Variants in KLHDC1 observed in about 807,000 individuals in gnomAD.
KLHDC1 encodes kelch domain containing 1.
Under a neutral mutation model 68.3 loss-of-function variants are expected in KLHDC1, and 53 were observed. The ratio of observed to expected loss-of-function variants is 0.78; its 90% confidence interval spans 0.62 to 0.98. The LOEUF (loss-of-function observed/expected upper bound fraction) is 0.98, where lower values mean the gene tolerates loss of function less well. Ranked by LOEUF, KLHDC1 falls within the 50% of genes least tolerant of loss-of-function variation. The pLI is 0.00. For missense variants in KLHDC1, 470 were observed against 492.3 expected (o/e 0.95, Z 0.43); for synonymous variants, 148 against 159.0 (o/e 0.93, Z 0.52).
chr14:49,705,386 T>TTTTTTTTTTA (rs1888023742), intron 1 of KLHDC1, among the ~76,000 whole-genome samples: 3 of 142,370 alleles, frequency 2.1e-5, no homozygotes, highest in African/African-American at 5.2e-5. Context: ...TTTTTTTTTT[T>TTTTTTTTTTA]GAGATGGAGT....
intron 4 of KLHDC1, among the ~76,000 whole-genome samples, chr14:49,718,926 G>A (rs1888455086): frequency 6.6e-6 from 1 of 150,782 alleles, no homozygotes; most frequent in Non-Finnish European, 1.5e-5. Flanking sequence ...ACAGCCGCCT[G>A]CCACTACACC....
In KLHDC1 at chr14:49,723,968, C is replaced by T; in HGVS notation, c.483+16C>T. 1 of 1,486,918 alleles carries T rather than the reference C, an allele frequency of 6.7e-7. No individual in the cohort carries two copies. Among genetic ancestry groups the T allele is most frequent in the Non-Finnish European group, 9.3e-7 (1 of 1,075,340 alleles). The allele number at this position is 1,486,918 out of a possible 1,614,324, so 92.1% of individuals were successfully genotyped here. ...TGCATCTTGGGTAAGATAGTAATCA[C>T]TGTTTACATTTTCCTCCAAGTCAGT... On this transcript the variant is annotated intron_variant, in intron 5 of 12. Transcript: ENST00000359332.
chr14:49,694,372 G>A (rs1270411228), intron 1 of KLHDC1, among the ~76,000 whole-genome samples: 2 of 152,036 alleles, frequency 1.3e-5, no homozygotes, highest in Non-Finnish European at 2.9e-5. Flanking sequence ...TTATGTGACA[G>A]ACCTGTAACG....
chr14:49,693,934 A>C (rs1887657580), intron 1 of KLHDC1, among the ~76,000 whole-genome samples: 1 of 150,598 alleles, frequency 6.6e-6, no homozygotes, highest in African/African-American at 2.4e-5. Context: ...TGTATTTTTA[A>C]TAGAGACAGG....
intron 6 of KLHDC1, among the ~76,000 whole-genome samples, chr14:49,727,632 A>G (rs966656310): frequency 6.6e-6 from 1 of 152,178 alleles, no homozygotes; most frequent in South Asian, 2.1e-4. Flanking sequence ...ATTCTCTTCT[A>G]TATAGTAGAA....
chr14:49,742,381 C>CG, intron 11 of KLHDC1, among the ~76,000 whole-genome samples: 1 of 152,218 alleles, frequency 6.6e-6, no homozygotes, highest in East Asian at 1.9e-4. Context: ...TAAGAATTCC[C>CG]GGGGAGGGCT....
At chr14:49,709,879 A>G in intron 3 of KLHDC1, 53 bp downstream of exon 3, 2 of 810,988 alleles carry the variant, frequency 2.5e-6, no homozygotes, top group Non-Finnish European at 3.9e-6. Context: ...TTAATGCATC[A>G]TTTCATCTCA....
In KLHDC1 at chr14:49,745,730, A is replaced by T. The variant is rs931429682; in HGVS notation, c.1034+1925A>T. Among the ~76,000 whole-genome samples the T allele has an allele frequency of 2.6e-5, 4 of 152,238 alleles. No individual in the cohort carries two copies. The East Asian group carries it at 5.8e-4, about 22-fold the overall frequency. On this transcript the variant is annotated intron_variant, in intron 12 of 12. Coordinates refer to ENST00000359332, the MANE Select transcript of KLHDC1 (RefSeq NM_172193.3). Reference sequence around the variant, plus strand: ...TATACAAAAGCATAGTATGTTCTGGATACTGAATTCTTGAGCATTCCTGGA... The same window carrying T: ...TATACAAAAGCATAGTATGTTCTGGTTACTGAATTCTTGAGCATTCCTGGA...
chr14:49,719,276 G>A (rs1037807981), intron 4 of KLHDC1, among the ~76,000 whole-genome samples: 63 of 151,830 alleles, frequency 4.1e-4, no homozygotes, highest in African/African-American at 1.5e-3. Context: ...CCCTGCCTTC[G>A]CTGCATCTCG....
intron 10 of KLHDC1, among the ~76,000 whole-genome samples, chr14:49,738,776 A>G (rs1207332779): frequency 1.3e-5 from 2 of 152,232 alleles, no homozygotes; most frequent in Non-Finnish European, 2.9e-5. Flanking sequence ...ATGGCCAACA[A>G]GCACTCTCCA....
chr14:49,706,213 T>A (rs534035196), intron 1 of KLHDC1, among the ~76,000 whole-genome samples: 18 of 152,284 alleles, frequency 1.2e-4, no homozygotes, highest in South Asian at 2.1e-4. Flanking sequence ...GATTTTTAGA[T>A]CTCATGTAAG....
intron 1 of KLHDC1, chr14:49,699,972 T>TA (rs1426428787): frequency 3.8e-6 from 1 of 261,348 alleles, no homozygotes; most frequent in African/African-American, 2.4e-5. Flanking sequence ...ATCATGGCCC[T>TA]AATCATTTGA....
At chr14:49,734,551 G>T in intron 9 of KLHDC1, 38 bp from the exon 10 acceptor site, 2 of 1,225,926 alleles carry the variant, frequency 1.6e-6, no homozygotes, top group South Asian at 2.9e-5. Context: ...GTATCCCAGA[G>T]ACCTAATCTT....
rs376692639 is a variant in KLHDC1 at position 49,728,968 on chromosome 14, G to T, written c.610G>T (p.Val204Phe). The T allele has an allele frequency of 1.4e-5, 23 of 1,613,746 alleles. No homozygotes were observed. The highest frequency in any genetic ancestry group is 1.9e-5 in the Non-Finnish European group (23 of 1,179,782). The change falls in exon 7 of 13, where the codon GTT becomes TTT. Residue 204 changes from valine to phenylalanine, a missense_variant. Physicochemically the swap from Val to Phe is conservative, Grantham distance 50. Transcript: ENST00000359332. The part of the protein sequence containing the change: ...PQPRAAHTCA[V>F]LGNKGYIFGG... ...GCCACGAGCCGCGCATACATGTGCAGTTCTTGGAAATAAGGGTTATATCTT... is the reference window on the plus strand; with the variant it reads ...GCCACGAGCCGCGCATACATGTGCATTTCTTGGAAATAAGGGTTATATCTT...
At chr14:49,729,467 A>G (rs1280137526) in intron 7 of KLHDC1, 23 bp from the exon 8 acceptor site, 5 of 1,541,956 alleles carry the variant, frequency 3.2e-6, no homozygotes, top group Non-Finnish European at 3.6e-6. Flanking sequence ...AATACTGACC[A>G]ATGTAACACA....
At chr14:49,734,400 T>G (rs1888884953) in intron 9 of KLHDC1, among the ~76,000 whole-genome samples, 189 bp from the exon 10 acceptor site, 1 of 152,216 alleles carries the variant, frequency 6.6e-6, no homozygotes, top group African/African-American at 2.4e-5. Flanking sequence ...TGATAGTTGT[T>G]GAATCTGCGA....
intron 1 of KLHDC1, among the ~76,000 whole-genome samples, chr14:49,707,338 CTTTTT>C (rs1191432812): frequency 2.1e-4 from 13 of 61,770 alleles, no homozygotes; most frequent in Non-Finnish European, 3.2e-5. Context: ...ACAAGATATT[CTTTTT>C]TTTTTTTTTT....
In KLHDC1 at chr14:49,717,845, A is replaced by G. The variant is rs1435800303; in HGVS notation, c.405-6029A>G. 2.0e-5 allele frequency among the ~76,000 whole-genome samples: 3 copies of G among 151,886 alleles called. No homozygotes were observed. In the East Asian group the frequency reaches 5.8e-4, roughly 29 times the overall value. On this transcript the variant is annotated intron_variant, in intron 4 of 12. Coordinates refer to ENST00000359332, the MANE Select transcript of KLHDC1 (RefSeq NM_172193.3). ...CTGATTCAATCATCTTACTTGTTAT[A>G]GGTTTATTCAGATTTTCTATTTTTT... is the stretch of plus-strand genomic sequence containing the variant.
chr14:49,732,299 A>G (rs942643498), intron 8 of KLHDC1, among the ~76,000 whole-genome samples: 3 of 152,066 alleles, frequency 2.0e-5, no homozygotes, highest in African/African-American at 4.8e-5. Context: ...CAGCCTCCCG[A>G]GTAGCTGGGA....
Sources: allele counts gnomAD v4.1 joint callset (sites outside exome capture counted in the v4.1 genomes callset), GRCh38; gene constraint gnomAD v4.1.1; transcripts MANE v1.5; gene names NCBI Gene and HGNC (gene_info 2026-07-23, HGNC 2026-07-21).